The following KLF13 variants were observed in gnomAD, a reference collection of about 807,000 sequenced individuals.
The protein encoded by KLF13 is Krueppel-like factor 13.
In KLF13, 8 loss-of-function variants were observed where a neutral mutation model predicts 16.7. The ratio of observed to expected loss-of-function variants is 0.48; its 90% confidence interval spans 0.28 to 0.87. The LOEUF is 0.87. Ranked by LOEUF, KLF13 falls within the 40% of genes least tolerant of loss-of-function variation. KLF13 has a pLI of 0.10. For synonymous variants in KLF13, 245 were observed against 208.4 expected (o/e 1.18, Z -1.51); for missense variants, 447 against 452.2 (o/e 0.99, Z 0.10).
intron 2 of KLF13, among the ~76,000 whole-genome samples, chr15:31,402,547 C>T (rs992950926): frequency 6.6e-6 from 1 of 152,238 alleles, no homozygotes; most frequent in Non-Finnish European, 1.5e-5. Context: ...TGAATGTCCC[C>T]GCTCTGGTGC....
chr15:31,389,606 G>A (rs2140981542), upstream of KLF13, among the ~76,000 whole-genome samples: 1 of 152,192 alleles, frequency 6.6e-6, no homozygotes. Flanking sequence ...CATACCTTTG[G>A]TCTGCATCTT....
chr15:31,364,132 C>G (rs879363529), intron 1 of KLF13, among the ~76,000 whole-genome samples: 2 of 115,058 alleles, frequency 1.7e-5, no homozygotes, highest in African/African-American at 3.3e-5. Context: ...CTCGTTTCCC[C>G]CACGTCATTG....
At chr15:31,328,334 C>T (rs544522336) in intron 1 of KLF13, among the ~76,000 whole-genome samples, 10 of 151,936 alleles carry the variant, frequency 6.6e-5, no homozygotes, top group Non-Finnish European at 1.0e-4. Flanking sequence ...TCTTCGCTCT[C>T]TTCTTCCTGT....
Position 31,377,172 on chromosome 15 carries a change from G to A in KLF13, c.*4873G>A, listed in dbSNP as rs913815301. On this transcript the variant is annotated 3_prime_UTR_variant, in exon 2 of 2. Transcript: ENST00000307145. ...AGCAGAGGAGCCCTTGTACCTGGCT[G>A]CCCTGAGAGGAGCAAGAGGCCACCT... 3 of 152,548 alleles carry A rather than the reference G, an allele frequency of 2.0e-5. No individual in the cohort carries two copies. The highest frequency in any genetic ancestry group is 2.9e-5 in the Non-Finnish European group (2 of 68,108). 9.4% of individuals were successfully genotyped at this position (152,548 alleles called of 1,614,324 possible). A position where few individuals can be genotyped will look rare whatever the true frequency, so the allele number is the denominator to read the frequency against.
At position 31,327,238 on chromosome 15, in the gene KLF13, A is replaced by G; in HGVS notation, c.26A>G (p.His9Arg). MAAAAYVD[H>R]FAAECLVSMS... ...ATGGCAGCCGCCGCCTATGTGGACC[A>G]CTTCGCCGCCGAGTGCCTCGTGTCC... Residue 9 changes from histidine to arginine, a missense_variant, in exon 1 of 2, where the codon CAC (histidine) becomes CGC (arginine). Physicochemically the swap from His to Arg is conservative, Grantham distance 29 (BLOSUM62 0). Coordinates refer to ENST00000307145, the MANE Select transcript of KLF13 (RefSeq NM_015995.4). The G allele has an allele frequency of 2.9e-6, 4 of 1,372,286 alleles. No homozygotes were observed. The highest frequency in any genetic ancestry group is 3.8e-6 in the Non-Finnish European group (4 of 1,060,916). The allele number at this position is 1,372,286 out of a possible 1,614,324, so 85.0% of individuals were successfully genotyped here.
chr15:31,372,646 G>T lies in KLF13; in HGVS notation c.*347G>T. ...CTCTGGAGTTTTCTGTTAGGTTCGGGAACACGCTGGGGACAGAGCAGGCCA... is the reference window on the plus strand; with the variant it reads ...CTCTGGAGTTTTCTGTTAGGTTCGGTAACACGCTGGGGACAGAGCAGGCCA... On this transcript the variant is annotated 3_prime_UTR_variant, in exon 2 of 2. Coordinates refer to ENST00000307145, the MANE Select transcript of KLF13 (RefSeq NM_015995.4). 1 of 245,108 alleles carries T rather than the reference G, an allele frequency of 4.1e-6. No homozygotes were observed. Among genetic ancestry groups the T allele is most frequent in the Non-Finnish European group, 7.8e-6 (1 of 128,594 alleles). The allele number at this position is 245,108 out of a possible 1,614,324, so 15.2% of individuals were successfully genotyped here.
chr15:31,401,220 G>A (rs546822358), intron 2 of KLF13, among the ~76,000 whole-genome samples: 20 of 152,238 alleles, frequency 1.3e-4, no homozygotes, highest in South Asian at 6.2e-4. Flanking sequence ...GGCTGGTCTC[G>A]AACTCCTGAC....
chr15:31,338,542 C>T (rs1007662015), intron 1 of KLF13, among the ~76,000 whole-genome samples: 2 of 152,304 alleles, frequency 1.3e-5, no homozygotes, highest in South Asian at 4.1e-4. Context: ...CCGGTCTCTA[C>T]AAGAGCAGGG....
chr15:31,392,684 G>A (rs1171667259), upstream of KLF13, among the ~76,000 whole-genome samples: 1 of 152,216 alleles, frequency 6.6e-6, no homozygotes, highest in Non-Finnish European at 1.5e-5. Context: ...TGACGTTTTG[G>A]AAATTCAGTA....
At chr15:31,428,759 C>T (rs1356598440) in intron 1 of KLF13, among the ~76,000 whole-genome samples, 66 of 132,558 alleles carry the variant, frequency 5.0e-4, no homozygotes, top group African/African-American at 1.7e-3. Context: ...GCCGAGATCG[C>T]GCCACTGCAG....
At chr15:31,359,840 T>TGTTGGA (rs1192627590) in intron 1 of KLF13, among the ~76,000 whole-genome samples, 1 of 152,178 alleles carries the variant, frequency 6.6e-6, no homozygotes, top group Non-Finnish European at 1.5e-5. Context: ...TTACTCTCCC[T>TGTTGGA]CGTCTACCCC....
chr15:31,333,609 C>G (rs888533992), intron 1 of KLF13, among the ~76,000 whole-genome samples: 18 of 152,044 alleles, frequency 1.2e-4, no homozygotes, highest in African/African-American at 3.6e-4. Flanking sequence ...ATATTTTTCT[C>G]CCTTTTCCAT....
chr15:31,351,264 T>C (rs993315352), intron 1 of KLF13, among the ~76,000 whole-genome samples: 2 of 152,214 alleles, frequency 1.3e-5, no homozygotes, highest in Admixed American at 6.5e-5. Flanking sequence ...AAGTCAAGCA[T>C]GTTAATTAAG....
intron 1 of KLF13, among the ~76,000 whole-genome samples, chr15:31,333,761 TA>T (rs1227345889): frequency 6.6e-6 from 1 of 152,136 alleles, no homozygotes; most frequent in Non-Finnish European, 1.5e-5. Context: ...TAGTTTCCCT[TA>T]GTTTAGGATA....
intron 1 of KLF13, among the ~76,000 whole-genome samples, chr15:31,349,079 A>G (rs957629749): frequency 1.3e-5 from 2 of 152,144 alleles, no homozygotes; most frequent in African/African-American, 4.8e-5. Context: ...AGGAGGCACA[A>G]ACATTCAGCC....
chr15:31,417,841 C>T (rs1392967595), intron 1 of KLF13, among the ~76,000 whole-genome samples: 2 of 152,154 alleles, frequency 1.3e-5, no homozygotes, highest in African/African-American at 4.8e-5. Flanking sequence ...CCACTGCGCC[C>T]GGCTTTCTGG....
intron 1 of KLF13, among the ~76,000 whole-genome samples, chr15:31,344,576 C>G (rs528912882): frequency 1.3e-5 from 2 of 152,336 alleles, no homozygotes; most frequent in African/African-American, 4.8e-5. Flanking sequence ...CTGGGCTGGG[C>G]CAGGCCAGGG....
At chr15:31,354,543 GC>G (rs1329038040) in intron 1 of KLF13, among the ~76,000 whole-genome samples, 9 of 152,106 alleles carry the variant, frequency 5.9e-5, no homozygotes, top group Non-Finnish European at 1.3e-4. Context: ...ACCACACCCA[GC>G]TAATTTTTTG....
At position 31,370,051 on chromosome 15, in the gene KLF13, T is replaced by TC. The variant is rs532726639; in HGVS notation, c.578-1959_578-1958insC. On this transcript the variant is annotated intron_variant, in intron 1 of 1. Coordinates refer to ENST00000307145, the MANE Select transcript of KLF13 (RefSeq NM_015995.4). ...GTTTCCTGTCTCCTTTTTCTTTTTT[T>TC]TTTTTTTTTTTTTTTACTCTTTGAC... Among the ~76,000 whole-genome samples the TC allele has an allele frequency of 2.5e-3, 380 of 150,248 alleles. 4 individuals are homozygous for TC. Among genetic ancestry groups the TC allele is most frequent in the African/African-American group, 9.0e-3 (369 of 41,006 alleles).
Sources: allele counts gnomAD v4.1 joint callset (sites outside exome capture counted in the v4.1 genomes callset), GRCh38; gene constraint gnomAD v4.1.1; transcripts MANE v1.5; gene names NCBI Gene and HGNC (gene_info 2026-07-23, HGNC 2026-07-21).